ITCH: variants seen among roughly 807,000 people sequenced by gnomAD.
ITCH encodes E3 ubiquitin-protein ligase Itchy homolog.
ITCH carries 28 observed loss-of-function variants against 126.8 expected under a neutral mutation model. The ratio of observed to expected loss-of-function variants is 0.22; its 90% CI spans 0.16 to 0.30. The LOEUF (loss-of-function observed/expected upper bound fraction) is 0.30. Ranked by LOEUF, ITCH falls within the 10% of genes least tolerant of loss-of-function variation. The probability of loss-of-function intolerance (pLI) is 1.00; values close to 1 mark genes in which losing one functional copy is unlikely to be tolerated. For synonymous variants in ITCH, 342 were observed against 340.0 expected (o/e 1.01, Z -0.06); for missense variants, 631 against 1,032.4 (o/e 0.61, Z 5.33).
intron 2 of ITCH, among the ~76,000 whole-genome samples, chr20:34,379,525 T>A (rs1431164566): frequency 6.7e-6 from 1 of 150,192 alleles, no homozygotes; most frequent in Non-Finnish European, 1.5e-5. Flanking sequence ...TACTATTCTG[T>A]TTTCTGTCTC....
intron 4 of ITCH, among the ~76,000 whole-genome samples, chr20:34,410,420 G>A (rs541386418): frequency 6.6e-6 from 1 of 151,992 alleles, no homozygotes; most frequent in African/African-American, 2.4e-5. Flanking sequence ...ATCATCTTGA[G>A]GCCCGTATCA....
At chr20:34,395,382 T>A (rs1281969286) in intron 3 of ITCH, among the ~76,000 whole-genome samples, 1 of 152,144 alleles carries the variant, frequency 6.6e-6, no homozygotes, top group African/African-American at 2.4e-5. Context: ...AGAAAACAAC[T>A]TCATGCTGTA....
chr20:34,389,395 A>T (rs150878556), intron 2 of ITCH, among the ~76,000 whole-genome samples: 25 of 152,270 alleles, frequency 1.6e-4, no homozygotes, highest in African/African-American at 6.0e-4. Flanking sequence ...ACAAGAGCCA[A>T]CTGTAATTAG....
chr20:34,405,160 A>T (rs1282254262), intron 3 of ITCH, among the ~76,000 whole-genome samples: 3 of 151,458 alleles, frequency 2.0e-5, no homozygotes, highest in African/African-American at 7.3e-5. Flanking sequence ...AAAAAAAAAA[A>T]AAAAGGTTTC....
intron 23 of ITCH, among the ~76,000 whole-genome samples, chr20:34,493,997 G>A (rs925092596): frequency 6.6e-6 from 1 of 152,230 alleles, no homozygotes; most frequent in Non-Finnish European, 1.5e-5. Flanking sequence ...AGGAGGCTGA[G>A]CTGGGTGGAT....
In ITCH at chr20:34,415,991, G is replaced by A. The variant is rs537458616; in HGVS notation, c.475+2112G>A. Among the ~76,000 whole-genome samples, 275 of 151,878 alleles carry A rather than the reference G, an allele frequency of 1.8e-3. 1 individual carries two copies. The highest frequency in any genetic ancestry group is 6.4e-3 in the African/African-American group (263 of 41,406). On this transcript the variant is annotated intron_variant, in intron 6 of 24. Transcript: ENST00000374864. ...ATAAAAATTAGCCTGGCCTGGTGGCGAGCACCCGTAAGCCCAGCTGCTCGA... is the reference window on the plus strand; with the variant it reads ...ATAAAAATTAGCCTGGCCTGGTGGCAAGCACCCGTAAGCCCAGCTGCTCGA...
chr20:34,407,019 A>G (rs1030907907), intron 3 of ITCH, among the ~76,000 whole-genome samples: 3 of 152,040 alleles, frequency 2.0e-5, no homozygotes, highest in Admixed American at 1.3e-4. Context: ...GGGAGCAATG[A>G]CTTGCCACCT....
At chr20:34,434,477 A>C (rs1007940094) in intron 7 of ITCH, among the ~76,000 whole-genome samples, 11 of 152,210 alleles carry the variant, frequency 7.2e-5, no homozygotes, top group Non-Finnish European at 1.5e-4. Context: ...ATAAGAAAGG[A>C]ATATAATGAA....
intron 7 of ITCH, among the ~76,000 whole-genome samples, chr20:34,426,891 C>T (rs1174278055): frequency 1.3e-5 from 2 of 152,020 alleles, no homozygotes; most frequent in African/African-American, 4.8e-5. Flanking sequence ...TCTCCTGGCT[C>T]AGCCTCCCGA....
In ITCH at chr20:34,492,497, A is replaced by G. The variant is rs773621892; in HGVS notation, c.2320-4A>G. The G allele has an allele frequency of 6.5e-7, 1 of 1,534,794 alleles. No individual in the cohort carries two copies. Among genetic ancestry groups the G allele is most frequent in the Non-Finnish European group, 9.0e-7 (1 of 1,107,636 alleles). ...ATATATCTCTTTAAATATACTTTTAACAGTTTGTTAAAGAAATTGATAATG... is the reference window on the plus strand; with the variant it reads ...ATATATCTCTTTAAATATACTTTTAGCAGTTTGTTAAAGAAATTGATAATG... On this transcript the variant is annotated splice_polypyrimidine_tract_variant and splice_region_variant and intron_variant, in intron 22 of 24. Transcript: ENST00000374864.
intron 3 of ITCH, among the ~76,000 whole-genome samples, chr20:34,403,898 G>A (rs2038967072): frequency 6.6e-6 from 1 of 152,166 alleles, no homozygotes; most frequent in South Asian, 2.1e-4. Context: ...ACTAAGGGTG[G>A]CTAGAATATA....
chr20:34,459,767 G>C (rs1326007294), intron 13 of ITCH, among the ~76,000 whole-genome samples: 1 of 152,134 alleles, frequency 6.6e-6, no homozygotes, highest in Non-Finnish European at 1.5e-5. Flanking sequence ...AATAAAAAAA[G>C]ATATGCTTTC....
chr20:34,478,841 A>G (rs565537241), intron 17 of ITCH, among the ~76,000 whole-genome samples: 2 of 152,322 alleles, frequency 1.3e-5, no homozygotes, highest in Admixed American at 6.5e-5. Context: ...GTTAAAGGCA[A>G]TTGAAGAGGA....
rs117209481 is a variant in ITCH at position 34,409,380 on chromosome 20, C to T, written c.212+588C>T. ...GCCAGTTTTTTAGTATTTTAAATTACGGTGCCAGTTATACTATAGTTATTT... is the reference window on the plus strand; with the variant it reads ...GCCAGTTTTTTAGTATTTTAAATTATGGTGCCAGTTATACTATAGTTATTT... On this transcript the variant is annotated intron_variant, in intron 4 of 24. Coordinates refer to ENST00000374864, the MANE Select transcript of ITCH (RefSeq NM_031483.7). 2.8e-4 allele frequency among the ~76,000 whole-genome samples: 42 copies of T among 151,896 alleles called. No individual in the cohort carries two copies. The East Asian group carries it at 7.9e-3, about 29-fold the overall frequency.
chr20:34,439,121 CAG>C (rs1313529321), intron 8 of ITCH, among the ~76,000 whole-genome samples: 5 of 152,116 alleles, frequency 3.3e-5, no homozygotes, highest in African/African-American at 9.7e-5. Context: ...CTCTGATAGC[CAG>C]AACAAATCTT....
At position 34,454,817 on chromosome 20, in the gene ITCH, G is replaced by GTTTTT. The variant is rs200486269; in HGVS notation, c.1211-2548_1211-2544dup. Among the ~76,000 whole-genome samples, 83 of 109,510 alleles carry GTTTTT rather than the reference G, an allele frequency of 7.6e-4. 2 individuals are homozygous for GTTTTT. The highest frequency in any genetic ancestry group is 2.4e-3 in the African/African-American group (64 of 26,360). The allele number at this position is 109,510 out of a possible 152,430, so 71.8% of individuals were successfully genotyped here. A position where few individuals can be genotyped will look rare whatever the true frequency, so the allele number is the denominator to read the frequency against. ...ACCAATTTTTCTTTTTTCTTTTCCT[G>GTTTTT]TTTTTTTTTTTTTTTTTTTTTTTTT... On this transcript the variant is annotated intron_variant, in intron 12 of 24. Coordinates refer to ENST00000374864, the MANE Select transcript of ITCH (RefSeq NM_031483.7).
At chr20:34,386,095 GT>G (rs58468663) in intron 2 of ITCH, among the ~76,000 whole-genome samples, 51 of 144,700 alleles carry the variant, frequency 3.5e-4, no homozygotes, top group African/African-American at 6.1e-4. Context: ...CGGCTCCTTT[GT>G]TTTTTTTTTT....
rs754230506 is a variant in ITCH at position 34,480,604 on chromosome 20, G to T, written c.1824G>T (p.Leu608=). Residue 608 remains leucine, a synonymous_variant, in exon 19 of 25, where the codon CTG becomes CTT. Coordinates refer to ENST00000374864, the MANE Select transcript of ITCH (RefSeq NM_031483.7). The part of the protein sequence containing the change: ...RFIGRFIAMA[L]FHGKFIDTGF... ...CTTGTTTCCTTTTTTCATAGGCTCT[G>T]TTCCATGGGAAATTCATAGACACGG... The T allele has an allele frequency of 6.2e-7, 1 of 1,613,666 alleles. No individual in the cohort carries two copies. Among genetic ancestry groups the T allele is most frequent in the Non-Finnish European group, 8.5e-7 (1 of 1,179,820 alleles).
At chr20:34,480,965 C>T in intron 19 of ITCH, 101 bp from the exon 20 acceptor site, 1 of 1,225,326 alleles carries the variant, frequency 8.2e-7, no homozygotes, top group Non-Finnish European at 1.2e-6. Context: ...GATGTTATAG[C>T]TTAATATTAA....
Sources: gnomAD v4.1 joint callset for allele counts (sites outside exome capture counted in the v4.1 genomes callset) on GRCh38, gnomAD v4.1.1 for gene constraint, MANE v1.5 for transcripts, NCBI Gene and HGNC (gene_info 2026-07-23, HGNC 2026-07-21) for gene names.